The following COL25A1 variants were observed in gnomAD, a reference collection of about 807,000 sequenced individuals.
The protein encoded by COL25A1 is collagen type XXV alpha 1 chain.
A neutral mutation model predicts 128.4 loss-of-function variants in COL25A1; 103 were observed. The observed-to-expected ratio is 0.80, with a 90% CI of 0.68 to 0.94. The LOEUF (loss-of-function observed/expected upper bound fraction) is 0.94, where lower values mean the gene tolerates loss of function less well. Among genes scored for constraint, COL25A1 ranks in the 40% least tolerant of loss-of-function variants. The probability of loss-of-function intolerance (pLI) is 0.00; values close to 1 mark genes in which losing one functional copy is unlikely to be tolerated. For synonymous variants in COL25A1, 279 were observed against 277.2 expected, an observed-to-expected ratio of 1.01 and a Z score of -0.06; for missense variants, 745 against 840.0, an observed-to-expected ratio of 0.89 and a Z score of 1.40.
chr4:108,839,466 T>C (rs1734170961), intron 31 of COL25A1, among the ~76,000 whole-genome samples: 1 of 152,192 alleles, frequency 6.6e-6, no homozygotes, highest in South Asian at 2.1e-4. Flanking sequence ...ATGCTATTGA[T>C]TGAGGACACC....
At chr4:109,029,478 G>C (rs1246084879) in intron 5 of COL25A1, among the ~76,000 whole-genome samples, 8 of 152,130 alleles carry the variant, frequency 5.3e-5, no homozygotes, top group African/African-American at 1.9e-4. Flanking sequence ...AGTAAAATAT[G>C]TTGAGAGACC....
chr4:108,978,313 G>A (rs763345074), intron 6 of COL25A1, among the ~76,000 whole-genome samples: 1 of 152,256 alleles, frequency 6.6e-6, no homozygotes, highest in South Asian at 2.1e-4. Context: ...ATTAACAGCA[G>A]GTGTTTTCTT....
chr4:108,976,737 A>T (rs1752480004), intron 6 of COL25A1, among the ~76,000 whole-genome samples: 1 of 152,174 alleles, frequency 6.6e-6, no homozygotes, highest in Non-Finnish European at 1.5e-5. Context: ...ACCTTCCAAA[A>T]CATTTCCTTT....
At chr4:108,868,037 A>T (rs1349889966) in intron 20 of COL25A1, among the ~76,000 whole-genome samples, 1 of 152,146 alleles carries the variant, frequency 6.6e-6, no homozygotes. Flanking sequence ...GGCACTTAGG[A>T]ATCTATATGA....
chr4:109,003,908 C>T (rs1755711831), intron 6 of COL25A1, among the ~76,000 whole-genome samples: 1 of 152,088 alleles, frequency 6.6e-6, no homozygotes, highest in Non-Finnish European at 1.5e-5. Flanking sequence ...TGTTATTTTT[C>T]CAAGTTGCTG....
At chr4:108,869,759 T>C (rs1738471318) in intron 19 of COL25A1, among the ~76,000 whole-genome samples, 1 of 152,198 alleles carries the variant, frequency 6.6e-6, no homozygotes, top group South Asian at 2.1e-4. Flanking sequence ...TTACCCAAAA[T>C]CTATAAGAAA....
intron 3 of COL25A1, among the ~76,000 whole-genome samples, chr4:109,091,334 T>C (rs532710989): frequency 6.6e-6 from 1 of 152,314 alleles, no homozygotes; most frequent in East Asian, 1.9e-4. Flanking sequence ...CTAAGTCCCA[T>C]TACTATTTCA....
intron 8 of COL25A1, among the ~76,000 whole-genome samples, chr4:108,969,864 A>G (rs992353470): frequency 3.3e-5 from 5 of 151,914 alleles, no homozygotes; most frequent in Non-Finnish European, 7.4e-5. Context: ...GTCTCTTCCA[A>G]TTGTATTCTA....
At chr4:109,215,536 T>C (rs914660376) in intron 3 of COL25A1, among the ~76,000 whole-genome samples, 9 of 152,204 alleles carry the variant, frequency 5.9e-5, no homozygotes, top group African/African-American at 2.2e-4. Flanking sequence ...TATAAGTATG[T>C]AGAATATGTC....
chr4:108,887,332 G>A (rs915441637), intron 18 of COL25A1, among the ~76,000 whole-genome samples: 1 of 152,152 alleles, frequency 6.6e-6, no homozygotes, highest in East Asian at 1.9e-4. Flanking sequence ...GGAAAATGCC[G>A]TGGAAGATCT....
chr4:108,852,383 C>G, intron 25 of COL25A1, 103 bp from the exon 26 acceptor site: 1 of 823,048 alleles, frequency 1.2e-6, no homozygotes, highest in Non-Finnish European at 1.9e-6. Context: ...CTATCGTAAT[C>G]AGATCTCCCC....
intron 3 of COL25A1, among the ~76,000 whole-genome samples, chr4:109,122,913 G>A (rs1280295622): frequency 6.6e-6 from 1 of 152,066 alleles, no homozygotes; most frequent in African/African-American, 2.4e-5. Flanking sequence ...CCGTAGAGCA[G>A]ACAAGTATAA....
At chr4:109,119,301 C>T (rs755229908) in intron 3 of COL25A1, among the ~76,000 whole-genome samples, 14 of 151,270 alleles carry the variant, frequency 9.3e-5, no homozygotes, top group Middle Eastern at 3.4e-3. Context: ...CATTAGGAAA[C>T]TAAAAAAGAA....
intron 3 of COL25A1, among the ~76,000 whole-genome samples, chr4:109,252,093 G>C (rs1049121106): frequency 6.6e-6 from 1 of 152,200 alleles, no homozygotes; most frequent in African/African-American, 2.4e-5. Flanking sequence ...TATGCTGCTA[G>C]GGCAGATAAG....
intron 3 of COL25A1, among the ~76,000 whole-genome samples, chr4:109,293,154 C>G (rs1464309455): frequency 6.6e-6 from 1 of 151,992 alleles, no homozygotes; most frequent in Non-Finnish European, 1.5e-5. Flanking sequence ...AGAAATGGAT[C>G]AATTTTCCTG....
chr4:108,886,503 C>A (rs1485768193), intron 18 of COL25A1, among the ~76,000 whole-genome samples: 1 of 93,788 alleles, frequency 1.1e-5, no homozygotes, highest in East Asian at 8.3e-4. Flanking sequence ...TTTAGCTCAT[C>A]AGCTATTTTA....
At chr4:109,281,907 T>C (rs756894711) in intron 3 of COL25A1, among the ~76,000 whole-genome samples, 88 of 152,214 alleles carry the variant, frequency 5.8e-4, no homozygotes, top group Non-Finnish European at 1.0e-3. Flanking sequence ...TTGTTTGTTA[T>C]ACTACTAAAC....
intron 3 of COL25A1, among the ~76,000 whole-genome samples, chr4:109,112,441 C>T (rs899031556): frequency 5.3e-5 from 8 of 151,790 alleles, no homozygotes; most frequent in African/African-American, 1.9e-4. Context: ...ACCCCAAATT[C>T]CTCTTTGGTT....
intron 16 of COL25A1, among the ~76,000 whole-genome samples, chr4:108,893,061 T>C (rs1308511591): frequency 6.6e-6 from 1 of 152,178 alleles, no homozygotes; most frequent in East Asian, 1.9e-4. Context: ...GCTCCAAATA[T>C]GATGTGGCTT....
Sources: allele counts gnomAD v4.1 joint callset (sites outside exome capture counted in the v4.1 genomes callset), GRCh38; gene constraint gnomAD v4.1.1; transcripts MANE v1.5; gene names NCBI Gene and HGNC (gene_info 2026-07-23, HGNC 2026-07-21).